GRIP1: variants seen among roughly 807,000 people sequenced by gnomAD.
The protein encoded by GRIP1 is glutamate receptor interacting protein 1, also known as glutamate receptor-interacting protein 1.
A neutral mutation model predicts 129.9 loss-of-function variants in GRIP1; 45 were observed. The ratio of observed to expected loss-of-function variants is 0.35; its 90% confidence interval spans 0.27 to 0.44. The LOEUF (loss-of-function observed/expected upper bound fraction) is 0.44, where lower values mean the gene tolerates loss of function less well. GRIP1 is among the 20% of genes least tolerant of loss of function. The pLI, the probability that GRIP1 is intolerant of heterozygous loss-of-function variation, is 1.00. For synonymous variants in GRIP1, 530 were observed against 520.8 expected, an observed-to-expected ratio of 1.02 and a Z score of -0.24; for missense variants, 1,196 against 1,396.8, an observed-to-expected ratio of 0.86 and a Z score of 2.29.
At chr12:66,585,605 T>C (rs566052225) in intron 2 of GRIP1, among the ~76,000 whole-genome samples, 3,428 of 145,702 alleles carry the variant, frequency 0.024, 133 homozygotes, top group African/African-American at 0.081. Context: ...TATAGTCCTT[T>C]GGGTATATAC....
chr12:66,654,343 T>A (rs1346133946), intron 1 of GRIP1, among the ~76,000 whole-genome samples: 1 of 151,976 alleles, frequency 6.6e-6, no homozygotes, highest in African/African-American at 2.4e-5. Context: ...AAAAACATGA[T>A]AAGGAAAACA....
intron 7 of GRIP1, among the ~76,000 whole-genome samples, chr12:66,503,098 C>G (rs1493483): frequency 2.0e-5 from 3 of 151,868 alleles, no homozygotes; most frequent in African/African-American, 7.3e-5. Context: ...AATCTCCTGA[C>G]GGTCCACAGC....
chr12:66,855,434 G>A (rs957897920), intron 1 of GRIP1, among the ~76,000 whole-genome samples: 4 of 151,982 alleles, frequency 2.6e-5, no homozygotes, highest in East Asian at 3.9e-4. Flanking sequence ...GAAAAGGAAC[G>A]ACAAGTACAC....
chr12:66,533,868 CACACACACACA>C, intron 4 of GRIP1, among the ~76,000 whole-genome samples: 1 of 140,624 alleles, frequency 7.1e-6, no homozygotes, highest in Non-Finnish European at 1.6e-5. Flanking sequence ...CACACTCACA[CACACACACACA>C]TACACACACT....
intron 1 of GRIP1, among the ~76,000 whole-genome samples, chr12:66,932,896 T>A (rs2041422864): frequency 6.6e-6 from 1 of 152,160 alleles, no homozygotes; most frequent in Non-Finnish European, 1.5e-5. Context: ...CTTGAACCCC[T>A]GACCTCGTGA....
intron 1 of GRIP1, among the ~76,000 whole-genome samples, chr12:66,848,458 C>G (rs975521539): frequency 6.6e-6 from 1 of 152,032 alleles, no homozygotes; most frequent in South Asian, 2.1e-4. Context: ...GAGTGGCTGA[C>G]CATCCAACAA....
intron 1 of GRIP1, chr12:66,803,969 G>A (rs1307286132): frequency 5.4e-6 from 2 of 370,226 alleles, no homozygotes; most frequent in East Asian, 7.3e-5. Context: ...GAAACCTTTT[G>A]CATTTAAGAT....
At chr12:66,967,526 A>G (rs2042015050) in intron 1 of GRIP1, among the ~76,000 whole-genome samples, 1 of 152,146 alleles carries the variant, frequency 6.6e-6, no homozygotes, top group South Asian at 2.1e-4. Context: ...TATAAGTTAT[A>G]TTTTAAATTT....
chr12:66,429,438 T>C (rs1421872551), intron 14 of GRIP1, among the ~76,000 whole-genome samples: 2 of 152,178 alleles, frequency 1.3e-5, no homozygotes, highest in East Asian at 3.9e-4. Flanking sequence ...GGCTCACACC[T>C]GTAATCCCAA....
intron 1 of GRIP1, among the ~76,000 whole-genome samples, chr12:66,916,654 G>C (rs1330697210): frequency 6.6e-6 from 1 of 150,946 alleles, no homozygotes; most frequent in Non-Finnish European, 1.5e-5. Context: ...TTTCTTAGGG[G>C]GGTTAAAAAA....
intron 1 of GRIP1, among the ~76,000 whole-genome samples, chr12:66,702,060 T>C (rs186230612): frequency 3.5e-4 from 53 of 152,304 alleles, no homozygotes; most frequent in East Asian, 9.7e-4. Context: ...CTCAGAATTC[T>C]GGTCATAAAC....
intron 15 of GRIP1, among the ~76,000 whole-genome samples, chr12:66,406,674 A>AT (rs1327656022): frequency 6.6e-6 from 1 of 152,230 alleles, no homozygotes; most frequent in Non-Finnish European, 1.5e-5. Flanking sequence ...AAACAAGAAC[A>AT]TATGTGTCAC....
At chr12:67,047,138 T>A (rs1197782356) in intron 1 of GRIP1, among the ~76,000 whole-genome samples, 1 of 152,176 alleles carries the variant, frequency 6.6e-6, no homozygotes, top group Admixed American at 6.5e-5. Context: ...AAAGATGTTT[T>A]AGAAGCTCAA....
At chr12:66,737,612 T>C (rs2036647958) in intron 1 of GRIP1, among the ~76,000 whole-genome samples, 1 of 152,188 alleles carries the variant, frequency 6.6e-6, no homozygotes, top group African/African-American at 2.4e-5. Context: ...CTCCAGCATT[T>C]CCAGCATAAT....
upstream of GRIP1, among the ~76,000 whole-genome samples, chr12:66,808,502 G>A (rs779174871): frequency 7.2e-5 from 11 of 151,918 alleles, no homozygotes; most frequent in Middle Eastern, 3.4e-3. Flanking sequence ...TGTTTGAGAC[G>A]GGTTTTCACT....
intron 1 of GRIP1, among the ~76,000 whole-genome samples, chr12:67,011,276 T>C (rs944849630): frequency 2.6e-5 from 4 of 152,150 alleles, no homozygotes; most frequent in Non-Finnish European, 5.9e-5. Flanking sequence ...CCATGCCCTC[T>C]TTACTCAACA....
chr12:66,407,429 G>A (rs1243058144), intron 15 of GRIP1: 1 of 152,230 alleles, frequency 6.6e-6, no homozygotes, highest in East Asian at 1.9e-4. Context: ...ATCATTGAAA[G>A]AGGCACTGAA....
chr12:66,693,447 T>C (rs907232152), intron 1 of GRIP1, among the ~76,000 whole-genome samples: 1 of 152,162 alleles, frequency 6.6e-6, no homozygotes, highest in African/African-American at 2.4e-5. Flanking sequence ...ATTCTCCAGG[T>C]CACCCCAGTC....
intron 7 of GRIP1, among the ~76,000 whole-genome samples, chr12:66,514,025 T>C (rs140188304): frequency 6.6e-6 from 1 of 152,308 alleles, no homozygotes; most frequent in African/African-American, 2.4e-5. Flanking sequence ...GACTGCTCTA[T>C]TTAAATCACC....
Sources: gnomAD v4.1 joint callset for allele counts (sites outside exome capture counted in the v4.1 genomes callset) on GRCh38, gnomAD v4.1.1 for gene constraint, MANE v1.5 for transcripts, NCBI Gene and HGNC (gene_info 2026-07-23, HGNC 2026-07-21) for gene names.